Variants in RUFY4 observed in about 807,000 individuals in gnomAD.
The protein encoded by RUFY4 is RUN and FYVE domain containing 4, also known as RUN and FYVE domain-containing protein 4.
RUFY4 carries 73 observed loss-of-function variants against 69.0 expected under a neutral mutation model. That is an observed-to-expected ratio of 1.06 (90% CI 0.88 to 1.29). The LOEUF is 1.29. RUFY4 is among the 50% of genes most tolerant of loss of function. RUFY4 has a pLI of 0.00. For missense variants in RUFY4, 770 were observed against 705.6 expected, an observed-to-expected ratio of 1.09 and a Z score of -1.03; for synonymous variants, 287 against 271.8, an observed-to-expected ratio of 1.06 and a Z score of -0.55.
At chr2:218,074,022 G>T (rs1410006612) in intron 6 of RUFY4, 137 bp downstream of exon 8, 7 of 866,190 alleles carry the variant, frequency 8.1e-6, no homozygotes, top group African/African-American at 1.7e-5. Context: ...CAAGAGGCCA[G>T]TGTGTGGAGC....
chr2:218,072,098 G>A (rs546944369), intron 2 of RUFY4, among the ~76,000 whole-genome samples: 1 of 152,178 alleles, frequency 6.6e-6, no homozygotes, highest in African/African-American at 2.4e-5. Context: ...AAGTCAGTTT[G>A]TTCATAGTTG....
chr2:218,076,663 G>C (rs1689640473), intron 8 of RUFY4, 130 bp downstream of exon 10: 1 of 1,416,592 alleles, frequency 7.1e-7, no homozygotes, highest in South Asian at 1.4e-5. Flanking sequence ...CACACCTTTG[G>C]GATCTGAGGC....
chr2:218,070,780 A>G (rs1255324930), exon 2 of RUFY4: 1 of 1,537,170 alleles, frequency 6.5e-7, no homozygotes, highest in Non-Finnish European at 8.7e-7. Flanking sequence ...CTCCAGGGCT[A>G]TGGGGATGGG....
chr2:218,083,949 C>A (rs1025585996), intron 9 of RUFY4, among the ~76,000 whole-genome samples: 3 of 151,732 alleles, frequency 2.0e-5, no homozygotes, highest in African/African-American at 7.3e-5. Flanking sequence ...GAGGTGATCA[C>A]GTGTCCTACA....
At chr2:218,085,307 C>T (rs569264719) in intron 9 of RUFY4, among the ~76,000 whole-genome samples, 14 of 152,054 alleles carry the variant, frequency 9.2e-5, no homozygotes, top group South Asian at 6.2e-4. Context: ...CTATGTAATA[C>T]AATGTCCCTG....
intron 8 of RUFY4, among the ~76,000 whole-genome samples, chr2:218,078,573 G>A (rs1341745909): frequency 1.3e-5 from 2 of 152,184 alleles, no homozygotes; most frequent in African/African-American, 4.8e-5. Flanking sequence ...AGGAAGATGG[G>A]AGCCACTGAG....
intron 4 of RUFY4, 54 bp downstream of exon 6, chr2:218,072,939 T>C (rs1689528327): frequency 3.6e-6 from 5 of 1,379,060 alleles, no homozygotes; most frequent in Non-Finnish European, 4.9e-6. Flanking sequence ...CTTTCCCTCC[T>C]TTGTAAAAGA....
At chr2:218,036,448 G>T (rs980194524) in intron 2 of RUFY4, among the ~76,000 whole-genome samples, 1 of 151,964 alleles carries the variant, frequency 6.6e-6, no homozygotes, top group Non-Finnish European at 1.5e-5. Context: ...TAAAACAGGG[G>T]GTGAGAACGA....
intron 2 of RUFY4, among the ~76,000 whole-genome samples, chr2:218,045,773 C>T: frequency 6.6e-6 from 1 of 151,606 alleles, no homozygotes. Flanking sequence ...CAAATATGTA[C>T]ATAATAATGA....
chr2:218,068,378 CAG>C (rs1689400419), upstream of RUFY4, among the ~76,000 whole-genome samples: 1 of 151,618 alleles, frequency 6.6e-6, no homozygotes, highest in Admixed American at 6.6e-5. Flanking sequence ...ACACAGGGAA[CAG>C]AGAAAGGGAA....
chr2:218,042,166 G>A (rs1688711051), intron 2 of RUFY4, among the ~76,000 whole-genome samples: 1 of 152,194 alleles, frequency 6.6e-6, no homozygotes, highest in African/African-American at 2.4e-5. Context: ...GGATATAAAG[G>A]CAACGACAAT....
upstream of RUFY4, chr2:218,065,527 A>G (rs1284038924): frequency 6.6e-6 from 1 of 152,366 alleles, no homozygotes; most frequent in Non-Finnish European, 1.5e-5. Context: ...TAGAGGAGCC[A>G]CTGAATGAGG....
At chr2:218,072,836 C>A (rs1453032994) in exon 4 of RUFY4, 1 of 1,536,262 alleles carries the variant, frequency 6.5e-7, no homozygotes, top group East Asian at 2.4e-5. Context: ...GGCCCGTGGG[C>A]AGCTGGCTGA....
intron 8 of RUFY4, among the ~76,000 whole-genome samples, chr2:218,077,503 C>T (rs1689662484): frequency 6.6e-6 from 1 of 152,178 alleles, no homozygotes; most frequent in South Asian, 2.1e-4. Flanking sequence ...CACACCCAGC[C>T]CATAATTTAT....
intron 2 of RUFY4, among the ~76,000 whole-genome samples, chr2:218,047,037 T>C (rs560580654): frequency 2.9e-4 from 39 of 134,878 alleles, no homozygotes; most frequent in African/African-American, 1.2e-3. Context: ...AGTTTCATTG[T>C]GGTTAAAAAA....
At chr2:218,075,816 A>G (rs1197081435) in intron 7 of RUFY4, 76 bp downstream of exon 9, 1 of 1,301,440 alleles carries the variant, frequency 7.7e-7, no homozygotes, top group Non-Finnish European at 1.0e-6. Context: ...CTGCAATGGT[A>G]GCCTGGGACC....
intron 9 of RUFY4, among the ~76,000 whole-genome samples, chr2:218,086,783 T>C (rs1014788803): frequency 1.3e-5 from 2 of 151,944 alleles, no homozygotes; most frequent in Non-Finnish European, 2.9e-5. Flanking sequence ...ATTCCCAAGA[T>C]GACAAGTGGG....
At chr2:218,067,847 A>T (rs1487299826), upstream of RUFY4, among the ~76,000 whole-genome samples, 1 of 152,098 alleles carries the variant, frequency 6.6e-6, no homozygotes, top group Admixed American at 6.6e-5. Flanking sequence ...CTGGCCCAAC[A>T]GGCACCCCCT....
chr2:218,090,363 T>C, exon 11 of RUFY4: 1 of 287,390 alleles, frequency 3.5e-6, no homozygotes, highest in East Asian at 7.9e-5. Context: ...TGACTGTGGA[T>C]AAGACCCCAG....
Sources: allele counts gnomAD v4.1 joint callset (sites outside exome capture counted in the v4.1 genomes callset), GRCh38; gene constraint gnomAD v4.1.1; transcripts MANE v1.5; gene names NCBI Gene and HGNC (gene_info 2026-07-23, HGNC 2026-07-21).